EYS: variants seen among roughly 807,000 people sequenced by gnomAD.
EYS encodes EGF-like photoreceptor maintenance factor, also known as protein eyes shut homolog.
A neutral mutation model predicts 282.1 loss-of-function variants in EYS; 250 were observed. The ratio of observed to expected loss-of-function variants is 0.89; its 90% confidence interval spans 0.80 to 0.98. EYS has a LOEUF of 0.98. Among genes scored for constraint, EYS ranks in the 50% least tolerant of loss-of-function variants. EYS has a pLI of 0.00. For missense variants in EYS, 4,016 were observed against 3,709.0 expected (o/e 1.08, Z -2.15); for synonymous variants, 1,355 against 1,282.9 (o/e 1.06, Z -1.20).
intron 26 of EYS, among the ~76,000 whole-genome samples, chr6:64,456,990 T>C (rs958623471): frequency 1.4e-4 from 22 of 152,014 alleles, no homozygotes; most frequent in African/African-American, 5.3e-4. Flanking sequence ...ATGACCTTTT[T>C]TGATGTAGGT....
intron 12 of EYS, among the ~76,000 whole-genome samples, chr6:65,260,304 A>G (rs1374955294): frequency 6.6e-6 from 1 of 152,130 alleles, no homozygotes; most frequent in Non-Finnish European, 1.5e-5. Flanking sequence ...ATAATTCAAG[A>G]TGAGATTTGT....
At chr6:63,961,442 C>A (rs1264526587) in intron 35 of EYS, among the ~76,000 whole-genome samples, 1 of 151,752 alleles carries the variant, frequency 6.6e-6, no homozygotes, top group African/African-American at 2.4e-5. Context: ...CCCCTGCCTG[C>A]AAGAGAGAAA....
chr6:63,971,428 A>G (rs987772818), intron 35 of EYS, among the ~76,000 whole-genome samples: 1 of 152,176 alleles, frequency 6.6e-6, no homozygotes, highest in Non-Finnish European at 1.5e-5. Flanking sequence ...TAATACTTCA[A>G]TTAGATTATA....
chr6:64,202,508 A>G (rs537036260), intron 31 of EYS, among the ~76,000 whole-genome samples: 1 of 152,358 alleles, frequency 6.6e-6, no homozygotes, highest in East Asian at 1.9e-4. Flanking sequence ...GCTAGCTGGC[A>G]ATATTCTTCA....
intron 35 of EYS, among the ~76,000 whole-genome samples, chr6:63,977,486 G>A (rs1228402526): frequency 6.6e-6 from 1 of 151,930 alleles, no homozygotes; most frequent in African/African-American, 2.4e-5. Flanking sequence ...GCAATTCCTA[G>A]CAACTCCCAA....
At chr6:63,971,090 C>G (rs1428924708) in intron 35 of EYS, among the ~76,000 whole-genome samples, 1 of 152,156 alleles carries the variant, frequency 6.6e-6, no homozygotes. Context: ...ATTCTCATTT[C>G]TACTGGACAA....
intron 12 of EYS, among the ~76,000 whole-genome samples, chr6:65,281,681 G>A (rs1282878494): frequency 6.6e-6 from 1 of 152,044 alleles, no homozygotes; most frequent in Non-Finnish European, 1.5e-5. Context: ...GCATGAGAGA[G>A]AAAAACCATA....
intron 12 of EYS, among the ~76,000 whole-genome samples, chr6:65,160,241 A>C (rs1764821261): frequency 6.6e-6 from 1 of 150,888 alleles, no homozygotes; most frequent in Non-Finnish European, 1.5e-5. Flanking sequence ...TGTAACTTTC[A>C]GTTTTTAACT....
At chr6:64,677,692 A>C (rs553620747) in intron 22 of EYS, among the ~76,000 whole-genome samples, 165 of 152,290 alleles carry the variant, frequency 1.1e-3, no homozygotes, top group Middle Eastern at 6.9e-3. Context: ...AAGTTTCAGT[A>C]TCCACTGAGG....
chr6:65,598,858 A>G (rs184203406), intron 2 of EYS, among the ~76,000 whole-genome samples: 1 of 152,186 alleles, frequency 6.6e-6, no homozygotes, highest in East Asian at 1.9e-4. Context: ...TCTTTGCCTC[A>G]TTTTCCACAA....
chr6:65,089,982 T>TACACAC (rs113762450), intron 12 of EYS, among the ~76,000 whole-genome samples: 26,494 of 141,112 alleles, frequency 0.19, 2,770 homozygotes, highest in South Asian at 0.24. Context: ...TATAAATAAA[T>TACACAC]ACACACACAC....
At chr6:65,039,715 G>T (rs1427018450) in intron 13 of EYS, among the ~76,000 whole-genome samples, 6 of 151,328 alleles carry the variant, frequency 4.0e-5, no homozygotes, top group Non-Finnish European at 8.9e-5. Flanking sequence ...TTTATAAAAA[G>T]ATATTTTAGA....
chr6:64,583,791 G>T lies in EYS; in HGVS notation c.5644+6432C>A, dbSNP rs1766147381. Among the ~76,000 whole-genome samples the T allele has an allele frequency of 4.0e-5, 6 of 151,066 alleles. No homozygotes were observed. In the South Asian group the frequency reaches 1.2e-3, roughly 31 times the overall value. Reference sequence around the variant, plus strand: ...GCCTGGGCAACAAGAATGAGATTCTGCCTCAAAAAAAAAAATGTGATTAAT... The same window carrying T: ...GCCTGGGCAACAAGAATGAGATTCTTCCTCAAAAAAAAAAATGTGATTAAT... On this transcript the variant is annotated intron_variant, in intron 26 of 42. Transcript: ENST00000503581.
intron 24 of EYS, among the ~76,000 whole-genome samples, chr6:64,609,833 GC>G (rs1318829095): frequency 1.1e-4 from 17 of 152,048 alleles, no homozygotes; most frequent in African/African-American, 4.1e-4. Flanking sequence ...GCTGCAGTGA[GC>G]TATCATCATG....
intron 22 of EYS, among the ~76,000 whole-genome samples, chr6:64,700,325 A>G (rs1001630326): frequency 8.9e-4 from 135 of 152,132 alleles, no homozygotes; most frequent in African/African-American, 3.1e-3. Flanking sequence ...AACTGGAACA[A>G]GACAAAGATG....
intron 18 of EYS, among the ~76,000 whole-genome samples, chr6:64,887,434 A>G (rs1446881617): frequency 6.7e-6 from 1 of 148,674 alleles, no homozygotes; most frequent in African/African-American, 2.5e-5. Flanking sequence ...GTATAATAAT[A>G]ATAAACAAAC....
intron 35 of EYS, among the ~76,000 whole-genome samples, chr6:63,864,983 T>G (rs1400265702): frequency 6.6e-6 from 1 of 152,176 alleles, no homozygotes; most frequent in Non-Finnish European, 1.5e-5. Context: ...GACTTGGAGT[T>G]TGTTATTTCT....
At chr6:64,389,601 G>A (rs112619956) in intron 28 of EYS, among the ~76,000 whole-genome samples, 1 of 152,078 alleles carries the variant, frequency 6.6e-6, no homozygotes, top group Non-Finnish European at 1.5e-5. Context: ...TTTCATAACA[G>A]AATTGAATAA....
At chr6:64,936,512 T>C (rs780517784) in intron 15 of EYS, among the ~76,000 whole-genome samples, 1 of 151,468 alleles carries the variant, frequency 6.6e-6, no homozygotes, top group Non-Finnish European at 1.5e-5. Flanking sequence ...TTGTCTCCAT[T>C]ATCAGATATT....
Sources: gnomAD v4.1 joint callset for allele counts (sites outside exome capture counted in the v4.1 genomes callset) on GRCh38, gnomAD v4.1.1 for gene constraint, MANE v1.5 for transcripts, NCBI Gene and HGNC (gene_info 2026-07-23, HGNC 2026-07-21) for gene names.